Variants in TRMT2B observed in about 807,000 individuals in gnomAD.
TRMT2B encodes tRNA (uracil-5-)-methyltransferase homolog B.
TRMT2B carries 34 observed loss-of-function variants against 39.7 expected under a neutral mutation model. The ratio of observed to expected loss-of-function variants is 0.86; its 90% CI spans 0.65 to 1.14. The LOEUF is 1.14. Ranked by LOEUF, TRMT2B falls within the 50% of genes most tolerant of loss-of-function variation. The pLI is 0.00. For synonymous variants in TRMT2B, 132 were observed against 137.3 expected, an observed-to-expected ratio of 0.96 and a Z score of 0.27; for missense variants, 318 against 377.2, an observed-to-expected ratio of 0.84 and a Z score of 1.30.
rs576212697 is a variant in TRMT2B at position 101,049,331 on chromosome X, A to G, written c.-24+1920T>C. 7.2e-4 allele frequency among the ~76,000 whole-genome samples: 78 copies of G among 108,731 alleles called. No individual in the cohort carries two copies. The South Asian group carries it at 0.015, about 21-fold the overall frequency. The allele number at this position is 108,731 out of a possible 115,157, so 94.4% of individuals were successfully genotyped here. On this transcript the variant is annotated intron_variant, in intron 2 of 13. Coordinates refer to ENST00000372936, the MANE Select transcript of TRMT2B (RefSeq NM_024917.6). ...CAACATAGCGAGATCCGGTCTCTAC[A>G]AAAAGTTTTAAAAATTAGCCAGGTG...
In TRMT2B at chrX:101,031,699, ACT is replaced by A. The variant is rs1185617923; in HGVS notation, c.609+3912_609+3913del. Among the ~76,000 whole-genome samples the A allele has an allele frequency of 4.5e-5, 4 of 89,195 alleles. No individual in the cohort carries two copies. The South Asian group carries it at 1.5e-3, about 35-fold the overall frequency. 77.5% of individuals were successfully genotyped at this position (89,195 alleles called of 115,157 possible). A position where few individuals can be genotyped will look rare whatever the true frequency, so the allele number is the denominator to read the frequency against. On this transcript the variant is annotated intron_variant, in intron 7 of 13. Coordinates refer to ENST00000372936, the MANE Select transcript of TRMT2B (RefSeq NM_024917.6). ...CTCTAGCCTGGGCAACAGGAGCAAA[ACT>A]CTGTCGTAGGAAAAAAAAAAAAAAA...
intron 2 of TRMT2B, among the ~76,000 whole-genome samples, chrX:101,048,121 C>T (rs1440054716): frequency 1.4e-5 from 1 of 70,504 alleles, no homozygotes; most frequent in African/African-American, 5.5e-5. Flanking sequence ...CATACACACA[C>T]ACACACACAC....
the TRMT2B span, among the ~76,000 whole-genome samples, chrX:100,980,037 G>A: frequency 9.0e-6 from 1 of 111,182 alleles, no homozygotes; most frequent in Non-Finnish European, 1.9e-5. Context: ...AGACTGTGCT[G>A]AGTCACACAT....
At chrX:100,976,305 T>C in the TRMT2B span, among the ~76,000 whole-genome samples, 6 of 110,624 alleles carry the variant, frequency 5.4e-5, no homozygotes, top group African/African-American at 1.6e-4. Context: ...GTATGCTATT[T>C]TGCCTGTGAG....
intron 7 of TRMT2B, among the ~76,000 whole-genome samples, chrX:101,028,798 T>C (rs1021521324): frequency 1.3e-4 from 15 of 111,266 alleles, no homozygotes; most frequent in African/African-American, 4.9e-4. Context: ...GATTGAGTTA[T>C]GGGGGTGGAC....
the TRMT2B span, among the ~76,000 whole-genome samples, chrX:100,977,832 G>A: frequency 8.9e-6 from 1 of 112,333 alleles, no homozygotes; most frequent in Non-Finnish European, 1.9e-5. Context: ...CAAATGACAA[G>A]ATCTTATTCT....
chrX:101,040,661 T>C (rs1166726709), intron 4 of TRMT2B, among the ~76,000 whole-genome samples: 2 of 111,831 alleles, frequency 1.8e-5, no homozygotes, highest in African/African-American at 3.2e-5. Flanking sequence ...AGCAGTAGAA[T>C]TGACTGTATT....
intron 7 of TRMT2B, among the ~76,000 whole-genome samples, chrX:101,028,652 TTCC>T (rs752952077): frequency 5.8e-4 from 65 of 111,975 alleles, no homozygotes; most frequent in African/African-American, 1.9e-3. Context: ...TATCATGACA[TTCC>T]TCCCTCACCC....
chrX:100,988,253 C>T, the TRMT2B span: 3 of 1,208,686 alleles, frequency 2.5e-6, no homozygotes, highest in South Asian at 1.8e-5. Flanking sequence ...AATGCTCAAT[C>T]GAAGCTAAGC....
intron 13 of TRMT2B, among the ~76,000 whole-genome samples, chrX:101,018,582 T>C (rs2075681044): frequency 9.1e-6 from 1 of 109,908 alleles, no homozygotes; most frequent in South Asian, 4.0e-4. Context: ...CCCGAGTAGC[T>C]GGGATTACAG....
At chrX:101,050,454 G>A (rs1423275821) in intron 2 of TRMT2B, among the ~76,000 whole-genome samples, 1 of 112,812 alleles carries the variant, frequency 8.9e-6, no homozygotes, top group Non-Finnish European at 1.9e-5. Flanking sequence ...GCCAGGTGCG[G>A]TGGCTCACGC....
intron 7 of TRMT2B, among the ~76,000 whole-genome samples, chrX:101,027,163 C>G (rs951305874): frequency 1.8e-4 from 20 of 111,311 alleles, no homozygotes; most frequent in Non-Finnish European, 3.8e-4. Flanking sequence ...GCATTGGGCA[C>G]AGGTGATAAG....
chrX:100,987,965 A>G, the TRMT2B span, among the ~76,000 whole-genome samples: 1 of 112,036 alleles, frequency 8.9e-6, no homozygotes, highest in Non-Finnish European at 1.9e-5. Flanking sequence ...AATCCTCCCA[A>G]TAATGAGGAA....
chrX:100,978,337 A>C, the TRMT2B span, among the ~76,000 whole-genome samples: 91 of 111,064 alleles, frequency 8.2e-4, no homozygotes, highest in African/African-American at 2.7e-3. Context: ...ATTGGGGTCT[A>C]TCTCTCTCTC....
chrX:101,020,154 A>G (rs1569475744), intron 11 of TRMT2B, among the ~76,000 whole-genome samples: 1 of 111,654 alleles, frequency 9.0e-6, no homozygotes, highest in African/African-American at 3.2e-5. Context: ...TATAGGTTTG[A>G]CACCTATTGT....
At chrX:100,993,563 T>C in the TRMT2B span, among the ~76,000 whole-genome samples, 1 of 112,021 alleles carries the variant, frequency 8.9e-6, no homozygotes, top group Non-Finnish European at 1.9e-5. Context: ...GATGGGATTG[T>C]ACCCTATGAA....
intron 7 of TRMT2B, among the ~76,000 whole-genome samples, chrX:101,032,984 G>A (rs1201390971): frequency 2.7e-5 from 3 of 110,792 alleles, no homozygotes; most frequent in South Asian, 3.8e-4. Context: ...GGCCAGGCAC[G>A]GTGGCTCACA....
chrX:101,020,231 G>A (rs752758769), intron 11 of TRMT2B, among the ~76,000 whole-genome samples: 11 of 111,684 alleles, frequency 9.8e-5, no homozygotes, highest in African/African-American at 3.6e-4. Context: ...CCAAAGTTTT[G>A]CAACTTTGTT....
chrX:100,977,369 C>CTTTTT, the TRMT2B span, among the ~76,000 whole-genome samples: 65 of 56,452 alleles, frequency 1.2e-3, 8 homozygotes, highest in African/African-American at 3.3e-3. Context: ...CTACTCTCTT[C>CTTTTT]TTTTTTTTTT....
Sources: gnomAD v4.1 joint callset for allele counts (sites outside exome capture counted in the v4.1 genomes callset) on GRCh38, gnomAD v4.1.1 for gene constraint, MANE v1.5 for transcripts, NCBI Gene and HGNC (gene_info 2026-07-23, HGNC 2026-07-21) for gene names.